BYSL: variants seen among roughly 807,000 people sequenced by gnomAD.
The protein encoded by BYSL is bystin like, also known as bystin.
A neutral mutation model predicts 45.4 loss-of-function variants in BYSL; 21 were observed. The ratio of observed to expected loss-of-function variants is 0.46; its 90% confidence interval spans 0.33 to 0.67. BYSL has a LOEUF of 0.67. BYSL is among the 30% of genes least tolerant of loss of function. The probability of loss-of-function intolerance (pLI) is 0.02; values close to 1 mark genes in which losing one functional copy is unlikely to be tolerated. For missense variants in BYSL, 522 were observed against 578.5 expected (o/e 0.90, Z 1.00); for synonymous variants, 215 against 231.3 (o/e 0.93, Z 0.64).
chr6:41,930,389 A>C, intron 3 of BYSL, 119 bp downstream of exon 3: 1 of 1,376,904 alleles, frequency 7.3e-7, no homozygotes. Context: ...AGTAGAAAAC[A>C]GACCTAAGAG....
At chr6:41,926,692 G>A (rs1287211853) in intron 1 of BYSL, among the ~76,000 whole-genome samples, 1 of 150,676 alleles carries the variant, frequency 6.6e-6, no homozygotes, top group Non-Finnish European at 1.5e-5. Flanking sequence ...CTCGTGATCT[G>A]CCCGCCTCGG....
chr6:41,925,802 C>A (rs1429638861), intron 1 of BYSL, among the ~76,000 whole-genome samples: 1 of 152,142 alleles, frequency 6.6e-6, no homozygotes, highest in African/African-American at 2.4e-5. Context: ...TCTCATGCCT[C>A]AGCCTTCCCA....
upstream of BYSL, chr6:41,921,198 C>T: frequency 1.3e-6 from 1 of 768,722 alleles, no homozygotes; most frequent in Non-Finnish European, 2.0e-6. Flanking sequence ...TCTCGGCACC[C>T]CTCGGTGACG....
chr6:41,927,331 C>A, intron 1 of BYSL, 43 bp from the exon 2 acceptor site: 1 of 1,604,894 alleles, frequency 6.2e-7, no homozygotes, highest in Non-Finnish European at 8.5e-7. Flanking sequence ...AATCCCTCAG[C>A]TACCTTTTGC....
intron 4 of BYSL, 152 bp downstream of exon 4, chr6:41,930,920 C>T (rs1412434708): frequency 8.2e-7 from 1 of 1,221,096 alleles, no homozygotes; most frequent in East Asian, 2.8e-5. Context: ...TCTAGCTTTT[C>T]CTGTGTCATT....
upstream of BYSL, chr6:41,921,307 A>T (rs1775461568): frequency 6.6e-6 from 4 of 603,050 alleles, no homozygotes; most frequent in Admixed American, 9.7e-5. Context: ...TGAAGCTAGG[A>T]GAGCGACACT....
At chr6:41,926,414 G>A (rs577954177) in intron 1 of BYSL, among the ~76,000 whole-genome samples, 1 of 151,446 alleles carries the variant, frequency 6.6e-6, no homozygotes, top group East Asian at 1.9e-4. Context: ...TTATTTATTT[G>A]CCATTGTTCC....
chr6:41,930,574 A>G lies in BYSL; in HGVS notation c.571-61A>G, dbSNP rs1386702534. On this transcript the variant is annotated intron_variant, in intron 3 of 6. Transcript: ENST00000230340. ...ATTAAAAGCACCCAGACAAGTTCCT[A>G]GCCCACAGCAAGCTTGCCATATGTG... The G allele has an allele frequency of 2.6e-6, 4 of 1,556,044 alleles. No homozygotes were observed. In the African/African-American group the frequency reaches 5.5e-5, roughly 21 times the overall value.
At chr6:41,918,602 A>T (rs542374060), upstream of BYSL, among the ~76,000 whole-genome samples, 209 of 152,150 alleles carry the variant, frequency 1.4e-3, no homozygotes, top group African/African-American at 4.7e-3. Context: ...TCACGAGGTC[A>T]GGAGATCAAG....
chr6:41,916,068 G>A, the BYSL span, among the ~76,000 whole-genome samples: 1 of 151,516 alleles, frequency 6.6e-6, no homozygotes, highest in Admixed American at 6.6e-5. Context: ...TCAACATAGG[G>A]AGACCCTGTC....
chr6:41,917,113 T>G (rs993331849), upstream of BYSL, among the ~76,000 whole-genome samples: 1 of 151,996 alleles, frequency 6.6e-6, no homozygotes, highest in African/African-American at 2.4e-5. Context: ...TTAAAAAAAA[T>G]TTTTTTGGCC....
In BYSL at chr6:41,931,712, C is replaced by G. The variant is rs1561945672; in HGVS notation, c.866-16C>G. Reference sequence around the variant, plus strand: ...TCATCCTGGGCTCACAGTGGCTGCCCTTTGACTCTCCCTAGGGATCCTGAT... The same window carrying G: ...TCATCCTGGGCTCACAGTGGCTGCCGTTTGACTCTCCCTAGGGATCCTGAT... On this transcript the variant is annotated splice_polypyrimidine_tract_variant and intron_variant, in intron 5 of 6. Transcript: ENST00000230340. 1.9e-6 allele frequency: 3 copies of G among 1,612,766 alleles called. No individual in the cohort carries two copies. The highest frequency in any genetic ancestry group is 2.5e-6 in the Non-Finnish European group (3 of 1,178,924).
At chr6:41,920,788 C>A (rs562684360), upstream of BYSL, 1,043 of 454,870 alleles carry the variant, frequency 2.3e-3, 8 homozygotes, top group East Asian at 0.031. Flanking sequence ...CAAAACAAAA[C>A]AAAAAAAAAA....
chr6:41,909,172 T>G, the BYSL span: 1 of 1,253,196 alleles, frequency 8.0e-7, no homozygotes, highest in Non-Finnish European at 1.1e-6. Context: ...AGACTCTGTC[T>G]CAAAAAAAAA....
At chr6:41,925,892 G>C (rs1239701926) in intron 1 of BYSL, among the ~76,000 whole-genome samples, 1 of 151,850 alleles carries the variant, frequency 6.6e-6, no homozygotes, top group African/African-American at 2.4e-5. Context: ...CTCCCTGTTA[G>C]TCAGGCTGGT....
At chr6:41,914,625 T>TC in the BYSL span, among the ~76,000 whole-genome samples, 3 of 150,036 alleles carry the variant, frequency 2.0e-5, no homozygotes, top group African/African-American at 4.9e-5. Context: ...CCAAAGAGTC[T>TC]CTCTCATTGC....
chr6:41,913,715 T>C, the BYSL span, among the ~76,000 whole-genome samples: 1 of 152,086 alleles, frequency 6.6e-6, no homozygotes, highest in Admixed American at 6.6e-5. Context: ...CTGGCCAACA[T>C]GGTGAAACCC....
chr6:41,913,279 G>C, the BYSL span, among the ~76,000 whole-genome samples: 1 of 152,268 alleles, frequency 6.6e-6, no homozygotes, highest in East Asian at 1.9e-4. Context: ...CACAGAGCCA[G>C]TAACCAGCAA....
At position 41,927,764 on chromosome 6, in the gene BYSL, G is replaced by A. The variant is rs1450875423; in HGVS notation, c.431+228G>A. 6.3e-6 allele frequency: 3 copies of A among 478,184 alleles called. No individual in the cohort carries two copies. In the South Asian group the frequency reaches 8.1e-5, roughly 13 times the overall value. The allele number at this position is 478,184 out of a possible 1,614,324, so 29.6% of individuals were successfully genotyped here. On this transcript the variant is annotated intron_variant, in intron 2 of 6. Transcript: ENST00000230340. The stretch of plus-strand genomic sequence containing the variant: ...TGTCCATTTGTTGTACAACTGCCCA[G>A]TTGCCAGGGAAACAGTTCCAGGCCC...
Sources: gnomAD v4.1 joint callset for allele counts (sites outside exome capture counted in the v4.1 genomes callset) on GRCh38, gnomAD v4.1.1 for gene constraint, MANE v1.5 for transcripts, NCBI Gene and HGNC (gene_info 2026-07-23, HGNC 2026-07-21) for gene names.